Variants in ZMAT4 observed in about 807,000 individuals in gnomAD.
ZMAT4 encodes zinc finger matrin-type 4.
Under a neutral mutation model 28.7 loss-of-function variants are expected in ZMAT4, and 17 were observed. The ratio of observed to expected loss-of-function variants is 0.59; its 90% CI spans 0.41 to 0.89. The LOEUF is 0.89. Among genes scored for constraint, ZMAT4 ranks in the 40% least tolerant of loss-of-function variants. The probability of loss-of-function intolerance (pLI) is 0.00; values close to 1 mark genes in which losing one functional copy is unlikely to be tolerated. For synonymous variants in ZMAT4, 117 were observed against 109.2 expected (o/e 1.07, Z -0.44); for missense variants, 240 against 283.8 (o/e 0.85, Z 1.11).
At chr8:40,628,591 G>A (rs1270877333) in intron 5 of ZMAT4, among the ~76,000 whole-genome samples, 1 of 152,128 alleles carries the variant, frequency 6.6e-6, no homozygotes, top group Non-Finnish European at 1.5e-5. Context: ...TGTAAGTGTA[G>A]AAAGCTGTGG....
At chr8:40,556,810 T>C (rs1443970284) in intron 6 of ZMAT4, among the ~76,000 whole-genome samples, 2 of 152,142 alleles carry the variant, frequency 1.3e-5, no homozygotes, top group African/African-American at 4.8e-5. Context: ...TCACCTTGAG[T>C]TTTTATCATT....
intron 2 of ZMAT4, among the ~76,000 whole-genome samples, chr8:40,772,236 G>A (rs571457964): frequency 7.9e-5 from 12 of 152,096 alleles, no homozygotes; most frequent in African/African-American, 1.7e-4. Context: ...CTTTACCCCC[G>A]ATCCTAGGCA....
At chr8:40,842,762 T>C (rs1394937496) in intron 1 of ZMAT4, among the ~76,000 whole-genome samples, 1 of 152,218 alleles carries the variant, frequency 6.6e-6, no homozygotes, top group Non-Finnish European at 1.5e-5. Context: ...ACCAGAGTCC[T>C]ACAGGATATT....
At chr8:40,690,785 G>T (rs1705807362) in intron 4 of ZMAT4, 3 of 515,068 alleles carry the variant, frequency 5.8e-6, no homozygotes, top group African/African-American at 2.1e-5. Context: ...TTATGTAAAA[G>T]TTCTGAAGCT....
intron 5 of ZMAT4, among the ~76,000 whole-genome samples, chr8:40,629,378 G>T (rs770706984): frequency 8.7e-4 from 123 of 141,934 alleles, no homozygotes; most frequent in Non-Finnish European, 1.5e-3. Flanking sequence ...ATTTTTTTTT[G>T]ACTTTGCCTG....
In ZMAT4 at chr8:40,879,507, G is replaced by A. The variant is rs574234232; in HGVS notation, c.-5+18176C>T. 5.4e-4 allele frequency among the ~76,000 whole-genome samples: 82 copies of A among 152,260 alleles called. 1 individual carries two copies. The highest frequency in any genetic ancestry group is 3.4e-3 in the Middle Eastern group (1 of 294). ...TGTGAATCAGGGAGGAGTAAAAAAC[G>A]GTTCCACACAAAGCCTTCTGATGGG... On this transcript the variant is annotated intron_variant, in intron 1 of 6. Transcript: ENST00000297737.
intron 2 of ZMAT4, among the ~76,000 whole-genome samples, chr8:40,806,233 A>C (rs2150591822): frequency 6.6e-6 from 1 of 152,360 alleles, no homozygotes; most frequent in South Asian, 2.1e-4. Flanking sequence ...GTGAATACTC[A>C]CTGGGGCACT....
chr8:40,654,506 C>T (rs904516253), intron 5 of ZMAT4, among the ~76,000 whole-genome samples: 1 of 151,756 alleles, frequency 6.6e-6, no homozygotes, highest in Non-Finnish European at 1.5e-5. Flanking sequence ...AGTCATCACA[C>T]AAAAAAAGAA....
intron 3 of ZMAT4, among the ~76,000 whole-genome samples, chr8:40,733,179 G>A (rs1417646889): frequency 6.6e-6 from 1 of 151,940 alleles, no homozygotes; most frequent in Non-Finnish European, 1.5e-5. Context: ...CAGTTAAAGG[G>A]AGCTGACATC....
At chr8:40,725,610 C>G (rs931147967) in intron 3 of ZMAT4, among the ~76,000 whole-genome samples, 4 of 152,072 alleles carry the variant, frequency 2.6e-5, no homozygotes, top group African/African-American at 9.7e-5. Context: ...CGCTGGGATG[C>G]TTTCACTCTG....
intron 5 of ZMAT4, among the ~76,000 whole-genome samples, chr8:40,635,216 G>A (rs1314512924): frequency 2.0e-5 from 3 of 152,144 alleles, no homozygotes; most frequent in Admixed American, 6.6e-5. Context: ...CCAAGGCATC[G>A]AAATATAAAA....
At chr8:40,868,171 G>A (rs67147820) in intron 1 of ZMAT4, among the ~76,000 whole-genome samples, 16,702 of 152,166 alleles carry the variant, frequency 0.11, 996 homozygotes, top group Non-Finnish European at 0.14. Flanking sequence ...GTTTGCAAGT[G>A]TATTTACATG....
intron 6 of ZMAT4, among the ~76,000 whole-genome samples, chr8:40,575,430 C>G (rs568867033): frequency 6.6e-6 from 1 of 152,150 alleles, no homozygotes; most frequent in South Asian, 2.1e-4. Flanking sequence ...GCTGACCCAC[C>G]AAGTGTATGG....
intron 2 of ZMAT4, among the ~76,000 whole-genome samples, chr8:40,781,533 C>A (rs1467845745): frequency 1.3e-5 from 2 of 151,558 alleles, no homozygotes; most frequent in East Asian, 1.9e-4. Context: ...GAGGCCGAGG[C>A]GGGCGGATCA....
At chr8:40,548,693 A>C (rs1440411327) in intron 6 of ZMAT4, among the ~76,000 whole-genome samples, 1 of 152,200 alleles carries the variant, frequency 6.6e-6, no homozygotes, top group Non-Finnish European at 1.5e-5. Context: ...CACTCCACAC[A>C]TCTGCTTGAA....
chr8:40,532,153 G>A lies in ZMAT4; in HGVS notation c.*70C>T. On this transcript the variant is annotated 3_prime_UTR_variant, in exon 7 of 7. Coordinates refer to ENST00000297737, the MANE Select transcript of ZMAT4 (RefSeq NM_024645.3). ...GTTCAAGAAAGAAGCCTCCTCTGGT[G>A]GTTGATAAGCAATTCTCCACGGCAG... 6.9e-7 allele frequency: 1 copy of A among 1,447,142 alleles called. No individual in the cohort carries two copies. The highest frequency in any genetic ancestry group is 2.5e-5 in the East Asian group (1 of 40,434). The allele number at this position is 1,447,142 out of a possible 1,614,324, so 89.6% of individuals were successfully genotyped here.
chr8:40,798,432 C>T (rs1260782756), intron 2 of ZMAT4, among the ~76,000 whole-genome samples: 4 of 152,144 alleles, frequency 2.6e-5, no homozygotes, highest in East Asian at 3.8e-4. Flanking sequence ...TTTCAAGCCC[C>T]GCTTGTAGGT....
At chr8:40,647,596 T>C (rs186203064) in intron 5 of ZMAT4, among the ~76,000 whole-genome samples, 9,337 of 151,544 alleles carry the variant, frequency 0.062, 713 homozygotes, top group East Asian at 0.44. Flanking sequence ...GGCCTGCCTG[T>C]CTCTGTAGGC....
At chr8:40,633,068 G>A (rs536558453) in intron 5 of ZMAT4, among the ~76,000 whole-genome samples, 3 of 152,066 alleles carry the variant, frequency 2.0e-5, no homozygotes, top group East Asian at 1.9e-4. Context: ...AGGGCTGGGA[G>A]GGTAGGTTTG....
Sources: gnomAD v4.1 joint callset for allele counts (sites outside exome capture counted in the v4.1 genomes callset) on GRCh38, gnomAD v4.1.1 for gene constraint, MANE v1.5 for transcripts, NCBI Gene and HGNC (gene_info 2026-07-23, HGNC 2026-07-21) for gene names.